SPRED3: variants seen among roughly 807,000 people sequenced by gnomAD.
SPRED3 encodes the protein sprouty-related, EVH1 domain-containing protein 3.
In SPRED3, 23 loss-of-function variants were observed where a neutral mutation model predicts 37.6. The observed-to-expected ratio is 0.61, with a 90% confidence interval of 0.44 to 0.87. The LOEUF (loss-of-function observed/expected upper bound fraction) is 0.87, where lower values mean the gene tolerates loss of function less well. Among genes scored for constraint, SPRED3 ranks in the 40% least tolerant of loss-of-function variants. SPRED3 has a pLI of 0.00. For synonymous variants in SPRED3, 302 were observed against 279.6 expected (o/e 1.08, Z -0.80); for missense variants, 584 against 618.6 (o/e 0.94, Z 0.59).
chr19:38,398,763 C>T lies in SPRED3; in HGVS notation c.*2618C>T, dbSNP rs1360419247. 1 of 152,256 alleles carries T rather than the reference C, an allele frequency of 6.6e-6. No homozygotes were observed. Among genetic ancestry groups the T allele is most frequent in the Non-Finnish European group, 1.5e-5 (1 of 68,068 alleles). 9.4% of individuals were successfully genotyped at this position (152,256 alleles called of 1,614,324 possible). ...GGGACCTGCATCTGGCCCCAAGCATCTGGAACTGTGCACTTAACCTTTCTT... is the reference window on the plus strand; with the variant it reads ...GGGACCTGCATCTGGCCCCAAGCATTTGGAACTGTGCACTTAACCTTTCTT... On this transcript the variant is annotated 3_prime_UTR_variant, in exon 6 of 6. Transcript: ENST00000691638.
chr19:38,394,914 G>A, intron 5 of SPRED3, 128 bp downstream of exon 5: 1 of 1,294,782 alleles, frequency 7.7e-7, no homozygotes, highest in Non-Finnish European at 1.0e-6. Context: ...TGATAACTGG[G>A]CCGGACTGGG....
In SPRED3 at chr19:38,392,271, AC is replaced by A; in HGVS notation, c.411del (p.Cys138AlafsTer3). 6.3e-7 allele frequency: 1 copy of A among 1,575,056 alleles called. No homozygotes were observed. Among genetic ancestry groups the A allele is most frequent in the Admixed American group, 1.9e-5 (1 of 53,404 alleles). On this transcript the variant is annotated frameshift_variant, in exon 4 of 6. Transcript: ENST00000691638. LOFTEE classifies it high-confidence loss of function. ...SSSPSQDTAETPCPLTSHVDS... is the reference protein window; with the variant it reads ...SSSPSQDTAEXPCPLTSHVDS... The stretch of plus-strand genomic sequence containing the variant: ...CTCTCCTTCCCAGGATACTGCAGAG[AC>A]CCCCTGCCCTCTGACGGTGAGTGTC...
intron 4 of SPRED3, chr19:38,394,442 C>G: frequency 6.6e-7 from 1 of 1,503,862 alleles, no homozygotes; most frequent in Non-Finnish European, 9.3e-7. Context: ...CTTAGGATCC[C>G]CGTTTTACAG....
At chr19:38,394,566 C>A in intron 4 of SPRED3, 77 bp from the exon 5 acceptor site, 1 of 1,550,248 alleles carries the variant, frequency 6.5e-7, no homozygotes, top group Non-Finnish European at 8.7e-7. Flanking sequence ...CCCTCGCTCT[C>A]AATGGGAGGG....
At chr19:38,390,191 T>G in intron 1 of SPRED3, 108 bp from the exon 2 acceptor site, 4 of 1,123,564 alleles carry the variant, frequency 3.6e-6, no homozygotes, top group Non-Finnish European at 4.7e-6. Context: ...GACCTGGACG[T>G]GAGAGATGAA....
chr19:38,394,496 G>A lies in SPRED3; in HGVS notation c.424-147G>A, dbSNP rs993763430. The A allele has an allele frequency of 3.9e-6, 6 of 1,526,616 alleles. No individual in the cohort carries two copies. The African/African-American group carries it at 8.2e-5, about 21-fold the overall frequency. 94.6% of individuals were successfully genotyped at this position (1,526,616 alleles called of 1,614,324 possible). A position where few individuals can be genotyped will look rare whatever the true frequency, so the allele number is the denominator to read the frequency against. On this transcript the variant is annotated intron_variant, in intron 4 of 5. Transcript: ENST00000691638. The stretch of plus-strand genomic sequence containing the variant: ...AAAGAGGTGAGCTCACTTGCCGGAG[G>A]TCACACAACCAGTCAGTGACAGAGC...
rs974599491 is a variant in SPRED3, at chr19:38,394,780, C to G, written c.561C>G (p.Ser187=). ...PTTPPQRRRS[S]AQSYPPLLPF... ...CGCCCCCCCAGCGCCGCCGCTCCTC[C>G]GCTCAGGTGCGACCTGGGAGCCTGG... Residue 187 remains serine (S), a synonymous_variant, in exon 5 of 6, where the codon TCC becomes TCG. Coordinates refer to ENST00000691638, the MANE Select transcript of SPRED3 (RefSeq NM_001394336.1). The G allele has an allele frequency of 1.3e-6, 2 of 1,564,680 alleles. No individual in the cohort carries two copies. The highest frequency in any genetic ancestry group is 1.3e-5 in the African/African-American group (1 of 74,416).
rs1230765527 is a variant in SPRED3, at chr19:38,396,103, C to T, written c.1191C>T (p.Gly397=). 2 of 1,293,862 alleles carry T rather than the reference C, an allele frequency of 1.5e-6. No homozygotes were observed. Among genetic ancestry groups the T allele is most frequent in the East Asian group, 3.1e-5 (1 of 32,074 alleles). 80.1% of individuals were successfully genotyped at this position (1,293,862 alleles called of 1,614,324 possible). A position where few individuals can be genotyped will look rare whatever the true frequency, so the allele number is the denominator to read the frequency against. Residue 397 remains glycine, a synonymous_variant, in exon 6 of 6, where the codon GGC becomes GGT. Transcript: ENST00000691638. ...RACHWVAARC[G]CAGCGGRHEE... Reference sequence around the variant, plus strand: ...GCCACTGGGTCGCAGCGCGATGCGGCTGCGCCGGCTGCGGGGGTCGCCACG... The same window carrying T: ...GCCACTGGGTCGCAGCGCGATGCGGTTGCGCCGGCTGCGGGGGTCGCCACG...
chr19:38,390,350 G>A lies in SPRED3; in HGVS notation c.48G>A (p.Gly16=), dbSNP rs1265101186. 7.2e-7 allele frequency: 1 copy of A among 1,385,960 alleles called. No individual in the cohort carries two copies. Among genetic ancestry groups the A allele is most frequent in the Admixed American group, 3.0e-5 (1 of 33,036 alleles). 85.9% of individuals were successfully genotyped at this position (1,385,960 alleles called of 1,614,324 possible). A position where few individuals can be genotyped will look rare whatever the true frequency, so the allele number is the denominator to read the frequency against. ...TGATGGCCCGAGATGACTCCAGTGGGGGCTGGCTGCCTGTGGGGGGCGGGG... is the reference window on the plus strand; with the variant it reads ...TGATGGCCCGAGATGACTCCAGTGGAGGCTGGCTGCCTGTGGGGGGCGGGG... ...AVVMARDDSS[G]GWLPVGGGGL... Residue 16 remains glycine (G), a synonymous_variant, in exon 2 of 6, where the codon GGG becomes GGA. Transcript: ENST00000691638.
At chr19:38,389,531 C>G (rs1394119977) in intron 1 of SPRED3, 1 of 151,186 alleles carries the variant, frequency 6.6e-6, no homozygotes, top group Admixed American at 6.6e-5. Context: ...GATCAATCTG[C>G]CCCCCCATCC....
At position 38,394,758 on chromosome 19, in the gene SPRED3, C is replaced by G. The variant is rs779195105; in HGVS notation, c.539C>G (p.Pro180Arg). 41 of 1,576,390 alleles carry G rather than the reference C, an allele frequency of 2.6e-5. No individual in the cohort carries two copies. Among genetic ancestry groups the G allele is most frequent in the South Asian group, 1.2e-5 (1 of 86,660 alleles). The change falls in exon 5 of 6, where the codon CCC (proline) becomes CGC (arginine). Residue 180 changes from proline (P) to arginine (R), a missense_variant. By Grantham distance (103) the Pro-to-Arg change is moderately radical (BLOSUM62 -2). Transcript: ENST00000691638. ...GCTTCAGGCTTCGGGCCGACCACGC[C>G]CCCCCAGCGCCGCCGCTCCTCCGCT... ...ESASGFGPTTPPQRRRSSAQS... is the reference protein window; with the variant it reads ...ESASGFGPTTRPQRRRSSAQS...
chr19:38,394,236 A>G, intron 4 of SPRED3: 1 of 1,346,500 alleles, frequency 7.4e-7, no homozygotes, highest in African/African-American at 1.5e-5. Context: ...TGAGAGAGGA[A>G]GGCAGCTGGC....
Position 38,396,171 on chromosome 19 carries a change from G to A in SPRED3, c.*26G>A, listed in dbSNP as rs577784513. 6.4e-6 allele frequency: 8 copies of A among 1,251,748 alleles called. No individual in the cohort carries two copies. Among genetic ancestry groups the A allele is most frequent in the Admixed American group, 4.2e-5 (1 of 23,594 alleles). The allele number at this position is 1,251,748 out of a possible 1,614,324, so 77.5% of individuals were successfully genotyped here. A position where few individuals can be genotyped will look rare whatever the true frequency, so the allele number is the denominator to read the frequency against. ...GGACGGCCTGGTGGGTCCCCTAGCC[G>A]GCCCGAGGACCCAAAATTGAGGGTC... On this transcript the variant is annotated 3_prime_UTR_variant, in exon 6 of 6. Transcript: ENST00000691638.
Position 38,399,352 on chromosome 19 carries a change from C to G in SPRED3, c.*3207C>G, listed in dbSNP as rs1970936816. The G allele has an allele frequency of 6.6e-6, 1 of 152,236 alleles. No homozygotes were observed. The highest frequency in any genetic ancestry group is 1.5e-5 in the Non-Finnish European group (1 of 68,072). 9.4% of individuals were successfully genotyped at this position (152,236 alleles called of 1,614,324 possible). On this transcript the variant is annotated 3_prime_UTR_variant, in exon 6 of 6. Transcript: ENST00000691638. ...GGCAGACCTCAGACCCTGGAGCCCCCAGGCCCAATTTCCCAGCCGCTTGCC... is the reference window on the plus strand; with the variant it reads ...GGCAGACCTCAGACCCTGGAGCCCCGAGGCCCAATTTCCCAGCCGCTTGCC...
At chr19:38,393,344 C>CTTTTTTT (rs74176441) in intron 4 of SPRED3, among the ~76,000 whole-genome samples, 35 of 121,120 alleles carry the variant, frequency 2.9e-4, no homozygotes, top group East Asian at 5.2e-4. Context: ...ATACTATTAT[C>CTTTTTTT]TTTTTTTTTT....
chr19:38,390,094 G>A (rs142062694), intron 1 of SPRED3: 254 of 413,788 alleles, frequency 6.1e-4, no homozygotes, highest in African/African-American at 4.9e-3. Flanking sequence ...AGGTGAGAGA[G>A]AAGAGATGGC....
chr19:38,393,537 T>C (rs1413296424), intron 4 of SPRED3, among the ~76,000 whole-genome samples: 1 of 151,916 alleles, frequency 6.6e-6, no homozygotes, highest in Non-Finnish European at 1.5e-5. Context: ...GGGATTTCAC[T>C]ATGTTGGTCA....
intron 1 of SPRED3, among the ~76,000 whole-genome samples, chr19:38,389,026 A>G (rs1025531294): frequency 5.3e-5 from 8 of 152,150 alleles, no homozygotes; most frequent in African/African-American, 1.9e-4. Flanking sequence ...CCCCATTCAC[A>G]AAATTCCGTC....
chr19:38,395,519 C>A lies in SPRED3; in HGVS notation c.607C>A (p.Pro203Thr). Reference sequence around the variant, plus strand: ...TCTACCGTTCACGGGGATTCCGGAACCCTCAGAGCCCCTGGCAGGGGCAGG... The same window carrying A: ...TCTACCGTTCACGGGGATTCCGGAAACCTCAGAGCCCCTGGCAGGGGCAGG... Reference protein sequence around the residue: ...PLLPFTGIPEPSEPLAGAGGL... With the variant: ...PLLPFTGIPETSEPLAGAGGL... The change falls in exon 6 of 6, where the codon CCC (proline) becomes ACC (threonine). Residue 203 changes from proline (P) to threonine (T), a missense_variant. Coordinates refer to ENST00000691638, the MANE Select transcript of SPRED3 (RefSeq NM_001394336.1). This position sits in a 1 kb window ranked among gnomAD's most constrained non-coding sequence, Gnocchi z 5.2. The A allele has an allele frequency of 6.5e-7, 1 of 1,527,142 alleles. No individual in the cohort carries two copies. The highest frequency in any genetic ancestry group is 8.8e-7 in the Non-Finnish European group (1 of 1,142,712). The allele number at this position is 1,527,142 out of a possible 1,614,324, so 94.6% of individuals were successfully genotyped here. A position where few individuals can be genotyped will look rare whatever the true frequency, so the allele number is the denominator to read the frequency against.
Sources: gnomAD v4.1 joint callset for allele counts (sites outside exome capture counted in the v4.1 genomes callset) on GRCh38, gnomAD v4.1.1 for gene constraint, Gnocchi (gnomAD v3.1) non-coding constraint, MANE v1.5 for transcripts, NCBI Gene and HGNC (gene_info 2026-07-23, HGNC 2026-07-21) for gene names.